MIPOL1: variants seen among roughly 807,000 people sequenced by gnomAD.
MIPOL1 encodes mirror-image polydactyly 1.
Under a neutral mutation model 60.9 loss-of-function variants are expected in MIPOL1, and 57 were observed. That is an observed-to-expected ratio of 0.94 (90% CI 0.76 to 1.17). MIPOL1 has a LOEUF of 1.17. Among genes scored for constraint, MIPOL1 ranks in the 50% most tolerant of loss-of-function variants. The probability of loss-of-function intolerance (pLI) is 0.00; values close to 1 mark genes in which losing one functional copy is unlikely to be tolerated. For missense variants in MIPOL1, 551 were observed against 511.6 expected, an observed-to-expected ratio of 1.08 and a Z score of -0.74; for synonymous variants, 179 against 168.8, an observed-to-expected ratio of 1.06 and a Z score of -0.47.
chr14:37,472,619 T>C (rs1382495506), intron 11 of MIPOL1, among the ~76,000 whole-genome samples: 1 of 152,188 alleles, frequency 6.6e-6, no homozygotes, highest in African/African-American at 2.4e-5. Context: ...AAGATAATTT[T>C]ATCTAGCCTT....
chr14:37,366,164 C>T (rs996089267), intron 9 of MIPOL1, among the ~76,000 whole-genome samples: 1 of 151,086 alleles, frequency 6.6e-6, no homozygotes, highest in Non-Finnish European at 1.5e-5. Flanking sequence ...TTATTCATTT[C>T]TGCTCTGATC....
chr14:37,349,975 AT>A (rs199895385), intron 9 of MIPOL1, among the ~76,000 whole-genome samples: 49 of 151,858 alleles, frequency 3.2e-4, no homozygotes, highest in East Asian at 2.3e-3. Context: ...TAGTTCTAAT[AT>A]TTTTTTTTAA....
At chr14:37,534,074 A>T (rs1473625705) in intron 12 of MIPOL1, among the ~76,000 whole-genome samples, 2 of 136,282 alleles carry the variant, frequency 1.5e-5, no homozygotes, top group Admixed American at 1.4e-4. Context: ...GCGAGACTCC[A>T]TCTCAAAAAA....
chr14:37,497,705 C>T (rs1566720215), intron 11 of MIPOL1, among the ~76,000 whole-genome samples: 1 of 152,046 alleles, frequency 6.6e-6, no homozygotes. Flanking sequence ...ATACATAAGA[C>T]AATACGAAGA....
At chr14:37,278,403 C>G (rs1053118856) in intron 6 of MIPOL1, 4 of 151,618 alleles carry the variant, frequency 2.6e-5, no homozygotes, top group Non-Finnish European at 5.9e-5. Context: ...ATGAATTTAA[C>G]ATCATTATAA....
At chr14:37,351,592 AT>A (rs1474224505) in intron 9 of MIPOL1, among the ~76,000 whole-genome samples, 1 of 144,796 alleles carries the variant, frequency 6.9e-6, no homozygotes, top group Non-Finnish European at 1.5e-5. Context: ...CTTTTTAATG[AT>A]TGCCATTCTA....
chr14:37,440,237 G>T (rs2094220559), intron 11 of MIPOL1, among the ~76,000 whole-genome samples: 1 of 152,070 alleles, frequency 6.6e-6, no homozygotes, highest in East Asian at 1.9e-4. Context: ...TTTTAATCAA[G>T]ATTTAAATAA....
intron 11 of MIPOL1, among the ~76,000 whole-genome samples, chr14:37,435,900 C>T (rs533198582): frequency 2.0e-5 from 3 of 152,012 alleles, no homozygotes; most frequent in Non-Finnish European, 4.4e-5. Flanking sequence ...AAAAACTGAT[C>T]TATGTTTTGG....
intron 12 of MIPOL1, among the ~76,000 whole-genome samples, chr14:37,513,863 A>G (rs1404869660): frequency 6.6e-6 from 1 of 152,180 alleles, no homozygotes; most frequent in Non-Finnish European, 1.5e-5. Context: ...TTTCAGATGA[A>G]CACAATAGAG....
chr14:37,343,592 C>G (rs1046632961), intron 9 of MIPOL1, among the ~76,000 whole-genome samples: 1 of 152,116 alleles, frequency 6.6e-6, no homozygotes, highest in Non-Finnish European at 1.5e-5. Context: ...ATTTGTGACT[C>G]AAAGCAGATT....
intron 10 of MIPOL1, among the ~76,000 whole-genome samples, chr14:37,399,290 A>G (rs1181835654): frequency 3.3e-5 from 5 of 152,170 alleles, no homozygotes; most frequent in South Asian, 2.1e-4. Flanking sequence ...AAATAAAACA[A>G]TCCTCTGACT....
At chr14:37,305,014 A>G (rs955862331) in intron 7 of MIPOL1, among the ~76,000 whole-genome samples, 2 of 151,832 alleles carry the variant, frequency 1.3e-5, no homozygotes, top group East Asian at 1.9e-4. Flanking sequence ...TTAAATCAGT[A>G]AAGTATTATG....
intron 9 of MIPOL1, among the ~76,000 whole-genome samples, chr14:37,316,871 G>A (rs1212974945): frequency 6.6e-6 from 1 of 151,962 alleles, no homozygotes; most frequent in Non-Finnish European, 1.5e-5. Flanking sequence ...CCAGCTACTT[G>A]GGAGGCTGAG....
chr14:37,285,348 A>G lies in MIPOL1; in HGVS notation c.524A>G (p.Lys175Arg). ...ALVEEVYFAQ[K>R]ERDEAVMSRL... Reference sequence around the variant, plus strand: ...GTTGAAGAAGTGTATTTTGCGCAGAAGGAACGTGATGAAGCTGTTATGTCT... The same window carrying G: ...GTTGAAGAAGTGTATTTTGCGCAGAGGGAACGTGATGAAGCTGTTATGTCT... The change falls in exon 7 of 13, where the codon AAG becomes AGG. Residue 175 changes from lysine (K) to arginine (R), a missense_variant. Physicochemically the swap from Lys to Arg is conservative, Grantham distance 26 (BLOSUM62 2). Coordinates refer to ENST00000684589, the MANE Select transcript of MIPOL1 (RefSeq NM_001388067.1). 1 of 1,614,072 alleles carries G rather than the reference A, an allele frequency of 6.2e-7. No homozygotes were observed. The highest frequency in any genetic ancestry group is 8.5e-7 in the Non-Finnish European group (1 of 1,179,982).
intron 9 of MIPOL1, among the ~76,000 whole-genome samples, chr14:37,343,281 G>C (rs10140854): frequency 0.99 from 150,371 of 152,170 alleles, 74,322 homozygotes; most frequent in Middle Eastern, 1. Flanking sequence ...AACAAGTTAC[G>C]TTTTCAAGTT....
At chr14:37,378,811 G>A (rs1950518) in intron 10 of MIPOL1, among the ~76,000 whole-genome samples, 147,408 of 152,162 alleles carry the variant, frequency 0.97, 71,475 homozygotes, top group East Asian at 1. Flanking sequence ...GTAGACGGAT[G>A]TATTGAAACA....
At chr14:37,238,288 G>A (rs918212017) in intron 1 of MIPOL1, among the ~76,000 whole-genome samples, 1 of 152,096 alleles carries the variant, frequency 6.6e-6, no homozygotes, top group African/African-American at 2.4e-5. Flanking sequence ...TATTACCCAA[G>A]TTTGACAGTT....
At chr14:37,277,664 TGA>T (rs1312491435) in intron 6 of MIPOL1, 3 of 151,364 alleles carry the variant, frequency 2.0e-5, no homozygotes, top group Non-Finnish European at 4.5e-5. Flanking sequence ...GTACTGATGC[TGA>T]GTGTATAAAT....
chr14:37,229,384 G>A (rs1479466703), intron 1 of MIPOL1, among the ~76,000 whole-genome samples: 1 of 152,066 alleles, frequency 6.6e-6, no homozygotes, highest in Non-Finnish European at 1.5e-5. Flanking sequence ...GGATTCAAGT[G>A]ATCTATCTGC....
Sources: gnomAD v4.1 joint callset for allele counts (sites outside exome capture counted in the v4.1 genomes callset) on GRCh38, gnomAD v4.1.1 for gene constraint, MANE v1.5 for transcripts, NCBI Gene and HGNC (gene_info 2026-07-23, HGNC 2026-07-21) for gene names.